The following TBC1D15 variants were observed in gnomAD, a reference collection of about 807,000 sequenced individuals.
TBC1D15 encodes TBC1 domain family member 15, also known as GAP for RAB7.
TBC1D15 carries 39 observed loss-of-function variants against 95.4 expected under a neutral mutation model. That is an observed-to-expected ratio of 0.41 (90% CI 0.32 to 0.53). TBC1D15 has a LOEUF of 0.53. TBC1D15 is among the 20% of genes least tolerant of loss of function. The probability of loss-of-function intolerance (pLI) is 0.29; values close to 1 mark genes in which losing one functional copy is unlikely to be tolerated. For synonymous variants in TBC1D15, 258 were observed against 261.3 expected (o/e 0.99, Z 0.12); for missense variants, 733 against 794.3 (o/e 0.92, Z 0.93).
intron 5 of TBC1D15, among the ~76,000 whole-genome samples, chr12:71,889,749 A>G (rs1188122755): frequency 6.6e-6 from 1 of 152,122 alleles, no homozygotes; most frequent in South Asian, 2.1e-4. Flanking sequence ...GGTAGTAAGT[A>G]TAGTATCTGA....
intron 1 of TBC1D15, among the ~76,000 whole-genome samples, chr12:71,856,402 A>G (rs568236390): frequency 2.0e-5 from 3 of 152,204 alleles, no homozygotes; most frequent in South Asian, 2.1e-4. Flanking sequence ...TTTTAGATGC[A>G]TGGTGCTGAT....
In TBC1D15 at chr12:71,839,806, G is replaced by A. The variant is rs747260729; in HGVS notation, c.25G>A (p.Gly9Arg). ...CATGGCGGCGGCGGGTGTTGTGAGC[G>A]GGAAGGTAGGTAACGGCCTCCAGGA... The part of the protein sequence containing the change: MAAAGVVS[G>R]KIIYEQEGVY... Residue 9 changes from glycine (G) to arginine (R), a missense_variant, in exon 1 of 17, where the codon GGG (glycine) becomes AGG (arginine). Transcript: ENST00000485960. The A allele has an allele frequency of 6.2e-7, 1 of 1,614,036 alleles. No individual in the cohort carries two copies. Among genetic ancestry groups the A allele is most frequent in the African/African-American group, 1.3e-5 (1 of 74,918 alleles).
intron 11 of TBC1D15, chr12:71,908,107 GT>G (rs1901227549): frequency 6.6e-6 from 1 of 152,400 alleles, no homozygotes; most frequent in South Asian, 2.1e-4. Flanking sequence ...GGAGGTGGAG[GT>G]TGCAGTGAAA....
chr12:71,919,949 T>G (rs1483908202), intron 14 of TBC1D15, among the ~76,000 whole-genome samples: 1 of 152,262 alleles, frequency 6.6e-6, no homozygotes, highest in Non-Finnish European at 1.5e-5. Flanking sequence ...TTAATTGCAT[T>G]GTAATTAAAC....
chr12:71,885,007 T>C lies in TBC1D15; in HGVS notation c.540T>C (p.Tyr180=), dbSNP rs757925435. The change falls in exon 5 of 17, where the codon TAT becomes TAC. Residue 180 remains tyrosine, a synonymous_variant. Transcript: ENST00000485960. ...TACTGATTGAATCTCTTGAAAAATA[T>C]GTGGTATTGTGTGAGTAAGTATCAT... ...SKLLIESLEK[Y]VVLCESPQDK... is the part of the protein sequence containing the mutation. The C allele has an allele frequency of 5.6e-6, 9 of 1,613,380 alleles. No individual in the cohort carries two copies. The South Asian group carries it at 7.7e-5, about 14-fold the overall frequency.
At chr12:71,905,155 A>C (rs1900373632) in intron 10 of TBC1D15, among the ~76,000 whole-genome samples, 2 of 152,276 alleles carry the variant, frequency 1.3e-5, no homozygotes, top group South Asian at 4.1e-4. Flanking sequence ...ATATTTTTAC[A>C]AGAAGAAATA....
chr12:71,885,262 AT>A (rs918994655), intron 5 of TBC1D15, among the ~76,000 whole-genome samples: 6 of 152,184 alleles, frequency 3.9e-5, no homozygotes, highest in African/African-American at 1.4e-4. Context: ...GTAGTTTAAT[AT>A]TTTTTATACA....
chr12:71,877,943 A>G (rs780261450), intron 3 of TBC1D15, among the ~76,000 whole-genome samples: 3 of 152,190 alleles, frequency 2.0e-5, no homozygotes, highest in Admixed American at 6.5e-5. Flanking sequence ...TTAAGAGCAG[A>G]TGCACAACAG....
At chr12:71,911,085 A>G (rs1361499722) in intron 11 of TBC1D15, among the ~76,000 whole-genome samples, 1 of 152,198 alleles carries the variant, frequency 6.6e-6, no homozygotes, top group Non-Finnish European at 1.5e-5. Flanking sequence ...ACCATCTCAC[A>G]CCAGTTAGAA....
At chr12:71,885,971 T>TGA (rs1261135623) in intron 5 of TBC1D15, among the ~76,000 whole-genome samples, 3 of 152,144 alleles carry the variant, frequency 2.0e-5, no homozygotes, top group Non-Finnish European at 4.4e-5. Flanking sequence ...GCCAAAGAGC[T>TGA]GAGTAAAGTC....
At chr12:71,889,390 A>T (rs1896830825) in intron 5 of TBC1D15, among the ~76,000 whole-genome samples, 1 of 152,130 alleles carries the variant, frequency 6.6e-6, no homozygotes, top group Non-Finnish European at 1.5e-5. Context: ...CAGTGCATCA[A>T]ATATTTTATC....
chr12:71,906,290 T>C (rs1900697553), intron 10 of TBC1D15, among the ~76,000 whole-genome samples: 1 of 152,242 alleles, frequency 6.6e-6, no homozygotes, highest in Admixed American at 6.5e-5. Flanking sequence ...AGAGTTTGTT[T>C]AAGTTACTTC....
At chr12:71,849,296 C>G in intron 1 of TBC1D15, 2 of 931,406 alleles carry the variant, frequency 2.1e-6, no homozygotes, top group Non-Finnish European at 3.4e-6. Context: ...ACGCTTCTAT[C>G]TGCCAGAAGA....
At chr12:71,872,830 A>G in intron 2 of TBC1D15, 99 bp from the exon 3 acceptor site, 1 of 773,760 alleles carries the variant, frequency 1.3e-6, no homozygotes, top group Non-Finnish European at 2.0e-6. Flanking sequence ...AAATGTAGAT[A>G]TTTAAGAGGC....
Position 71,865,304 on chromosome 12 carries a change from T to C in TBC1D15, c.31-6766T>C, listed in dbSNP as rs541172302. Reference sequence around the variant, plus strand: ...TGGGCCCAGGGGGCTGGGTTGTAGCTGTGATTCTCTTAACTGGAGGGCAGG... The same window carrying C: ...TGGGCCCAGGGGGCTGGGTTGTAGCCGTGATTCTCTTAACTGGAGGGCAGG... On this transcript the variant is annotated intron_variant, in intron 1 of 16. Coordinates refer to ENST00000485960, the MANE Select transcript of TBC1D15 (RefSeq NM_001146213.3). 2.0e-5 allele frequency among the ~76,000 whole-genome samples: 3 copies of C among 152,284 alleles called. No homozygotes were observed. The East Asian group carries it at 5.8e-4, about 29-fold the overall frequency.
chr12:71,873,215 A>T (rs1451192019), intron 3 of TBC1D15, among the ~76,000 whole-genome samples: 1 of 152,090 alleles, frequency 6.6e-6, no homozygotes, highest in Non-Finnish European at 1.5e-5. Context: ...TTAACCCCTC[A>T]TTTCACCTAC....
At chr12:71,893,380 G>A (rs1897557885) in intron 6 of TBC1D15, 56 bp downstream of exon 6, 2 of 1,190,084 alleles carry the variant, frequency 1.7e-6, no homozygotes, top group East Asian at 2.5e-5. Context: ...TATATACCCT[G>A]TACTTCTCAT....
At chr12:71,849,721 G>A (rs991099077) in intron 1 of TBC1D15, 23 of 549,728 alleles carry the variant, frequency 4.2e-5, no homozygotes, top group Admixed American at 1.8e-4. Flanking sequence ...TCAAAGACTC[G>A]GGGGTCACTC....
intron 11 of TBC1D15, among the ~76,000 whole-genome samples, chr12:71,909,688 G>A (rs946835351): frequency 3.9e-5 from 6 of 152,174 alleles, no homozygotes; most frequent in Admixed American, 3.3e-4. Context: ...TCTTTTTGGT[G>A]TAAGCAAGTG....
Sources: gnomAD v4.1 joint callset for allele counts (sites outside exome capture counted in the v4.1 genomes callset) on GRCh38, gnomAD v4.1.1 for gene constraint, MANE v1.5 for transcripts, NCBI Gene and HGNC (gene_info 2026-07-23, HGNC 2026-07-21) for gene names.